CUL4A: variants seen among roughly 807,000 people sequenced by gnomAD.
CUL4A encodes cullin-4A.
CUL4A carries 16 observed loss-of-function variants against 95.5 expected under a neutral mutation model. The observed-to-expected ratio is 0.17, with a 90% CI of 0.11 to 0.25. The LOEUF (loss-of-function observed/expected upper bound fraction) is 0.25. Ranked by LOEUF, CUL4A falls within the 10% of genes least tolerant of loss-of-function variation. The probability of loss-of-function intolerance (pLI) is 1.00; values close to 1 mark genes in which losing one functional copy is unlikely to be tolerated. For missense variants in CUL4A, 610 were observed against 937.0 expected, an observed-to-expected ratio of 0.65 and a Z score of 4.56; for synonymous variants, 380 against 353.1, an observed-to-expected ratio of 1.08 and a Z score of -0.85.
chr13:113,262,116 T>C (rs1479223556), intron 19 of CUL4A, among the ~76,000 whole-genome samples: 1 of 152,132 alleles, frequency 6.6e-6, no homozygotes, highest in Non-Finnish European at 1.5e-5. Context: ...TATCACTGAA[T>C]AGAAGGTGAA....
At chr13:113,209,278 A>T (rs868800247), upstream of CUL4A, among the ~76,000 whole-genome samples, 1 of 140,708 alleles carries the variant, frequency 7.1e-6, no homozygotes, top group African/African-American at 2.7e-5. Context: ...CGCATCCCCG[A>T]GCCAGGAGGG....
chr13:113,208,388 C>A (rs2040108059), upstream of CUL4A: 34 of 1,440,748 alleles, frequency 2.4e-5, no homozygotes, highest in South Asian at 4.7e-4. Flanking sequence ...ACCGCCCGGC[C>A]CCCACGGCGG....
intron 9 of CUL4A, 92 bp downstream of exon 9, chr13:113,236,982 G>A (rs760569138): frequency 2.5e-6 from 2 of 813,476 alleles, no homozygotes; most frequent in Non-Finnish European, 3.9e-6. Context: ...GCAGTGTTAG[G>A]ACGTTTGTTA....
At chr13:113,229,866 C>T (rs1011547276) in intron 5 of CUL4A, 16 of 464,424 alleles carry the variant, frequency 3.4e-5, no homozygotes, top group Admixed American at 7.7e-5. Flanking sequence ...CTGCCTGCTG[C>T]CCGTGGGGTC....
chr13:113,208,984 C>G, upstream of CUL4A: 2 of 998,682 alleles, frequency 2.0e-6, no homozygotes, highest in South Asian at 3.9e-5. Flanking sequence ...AAAACCAGGC[C>G]GCGGAGGACC....
chr13:113,209,027 G>T, upstream of CUL4A: 1 of 550,088 alleles, frequency 1.8e-6, no homozygotes, highest in Non-Finnish European at 2.3e-6. Flanking sequence ...GCCTCGGGGC[G>T]CGCGCGCCCG....
intron 3 of CUL4A, among the ~76,000 whole-genome samples, chr13:113,221,743 A>G (rs2040905726): frequency 6.6e-6 from 1 of 151,784 alleles, no homozygotes; most frequent in Non-Finnish European, 1.5e-5. Flanking sequence ...ATGCTCGGCT[A>G]ATTTTTGTAT....
intron 3 of CUL4A, among the ~76,000 whole-genome samples, chr13:113,226,468 T>C (rs938490283): frequency 1.3e-5 from 2 of 152,234 alleles, no homozygotes; most frequent in African/African-American, 2.4e-5. Flanking sequence ...AGAGTGGATG[T>C]GAAGAGTGTT....
At chr13:113,208,241 G>A (rs1566996703), upstream of CUL4A, 1 of 1,453,784 alleles carries the variant, frequency 6.9e-7, no homozygotes, top group South Asian at 1.3e-5. Flanking sequence ...ACACAGCACC[G>A]CCCACAGCGG....
intron 3 of CUL4A, among the ~76,000 whole-genome samples, chr13:113,221,851 C>T (rs1323342057): frequency 1.3e-5 from 2 of 152,224 alleles, no homozygotes; most frequent in Non-Finnish European, 2.9e-5. Flanking sequence ...GCTGGGATTA[C>T]AGGCGTGAGC....
In CUL4A at chr13:113,260,211, A is replaced by AAAAAACAAACAAAAAAAAAAAC. The variant is rs1555307262; in HGVS notation, c.2032-391_2032-390insCAAACAAAAAAAAAAACAAAAA. Among the ~76,000 whole-genome samples, 475 of 119,524 alleles carry AAAAAACAAACAAAAAAAAAAAC rather than the reference A, an allele frequency of 4.0e-3. 65 individuals carry two copies. The highest frequency in any genetic ancestry group is 0.016 in the African/African-American group (435 of 27,712). The allele number at this position is 119,524 out of a possible 152,430, so 78.4% of individuals were successfully genotyped here. A position where few individuals can be genotyped will look rare whatever the true frequency, so the allele number is the denominator to read the frequency against. On this transcript the variant is annotated intron_variant, in intron 18 of 19. Coordinates refer to ENST00000375440, the MANE Select transcript of CUL4A (RefSeq NM_001008895.4). ...AGAGTGAGACTCCGTCTCAAAAAAA[A>AAAAAACAAACAAAAAAAAAAAC]AAAAAAAACCATTTCCCATCAAATT...
chr13:113,221,779 C>G (rs1056734411), intron 3 of CUL4A, among the ~76,000 whole-genome samples: 6 of 152,028 alleles, frequency 3.9e-5, no homozygotes, highest in Non-Finnish European at 8.8e-5. Flanking sequence ...GGTTTCACCA[C>G]ATTGGCCAGG....
Position 113,243,110 on chromosome 13 carries a change from C to T in CUL4A, c.1178C>T (p.Ser393Phe), listed in dbSNP as rs765901937. 2 of 1,614,108 alleles carry T rather than the reference C, an allele frequency of 1.2e-6. No homozygotes were observed. The highest frequency in any genetic ancestry group is 1.1e-5 in the South Asian group (1 of 91,076). The change falls in exon 11 of 20, where the codon TCC (serine) becomes TTC (phenylalanine). Residue 393 changes from serine to phenylalanine, a missense_variant. Ser to Phe is a radical substitution (Grantham distance 155). Coordinates refer to ENST00000375440, the MANE Select transcript of CUL4A (RefSeq NM_001008895.4). ...NERFVNLMKESFETFINKRPN... is the reference protein window; with the variant it reads ...NERFVNLMKEFFETFINKRPN... ...CGGTTCGTCAACCTGATGAAGGAGT[C>T]CTTTGAGACGTTCATCAACAAGAGA...
chr13:113,260,253 T>G (rs2042241542), intron 18 of CUL4A, among the ~76,000 whole-genome samples: 1 of 138,468 alleles, frequency 7.2e-6, no homozygotes, highest in Non-Finnish European at 1.5e-5. Flanking sequence ...CATCAGGTCA[T>G]TAATATTGAA....
rs943060394 is a variant in CUL4A, at chr13:113,239,591, C to G, written c.1035+40C>G. The G allele has an allele frequency of 3.3e-6, 5 of 1,494,936 alleles. No homozygotes were observed. The Admixed American group carries it at 9.0e-5, about 27-fold the overall frequency. The allele number at this position is 1,494,936 out of a possible 1,614,324, so 92.6% of individuals were successfully genotyped here. ...TTGAGGCCGCGGGCGTGGGCATTCC[C>G]TGCAGGGAGCAGAGCCCCTCCTGAG... On this transcript the variant is annotated intron_variant, in intron 10 of 19. Transcript: ENST00000375440.
intron 2 of CUL4A, among the ~76,000 whole-genome samples, chr13:113,215,410 C>CA (rs2040620856): frequency 6.8e-6 from 1 of 148,118 alleles, no homozygotes; most frequent in South Asian, 2.2e-4. Flanking sequence ...CTATGGAGGT[C>CA]ACGTCCCATG....
intron 10 of CUL4A, among the ~76,000 whole-genome samples, chr13:113,242,626 C>T (rs780496817): frequency 6.6e-6 from 1 of 152,012 alleles, no homozygotes; most frequent in African/African-American, 2.4e-5. Flanking sequence ...CTCTACAAAA[C>T]TTTAAAAAGA....
chr13:113,258,181 A>G (rs2042180004), intron 18 of CUL4A, among the ~76,000 whole-genome samples: 2 of 151,942 alleles, frequency 1.3e-5, no homozygotes, highest in East Asian at 1.9e-4. Flanking sequence ...TGTAGAGATG[A>G]GGCCTTGCCA....
chr13:113,208,704 C>A (rs1035973872), upstream of CUL4A: 3 of 1,538,682 alleles, frequency 1.9e-6, no homozygotes, highest in Non-Finnish European at 2.6e-6. Flanking sequence ...ACTTCCGGCC[C>A]TCGGTCCGTC....
Sources: gnomAD v4.1 joint callset for allele counts (sites outside exome capture counted in the v4.1 genomes callset) on GRCh38, gnomAD v4.1.1 for gene constraint, MANE v1.5 for transcripts, NCBI Gene and HGNC (gene_info 2026-07-23, HGNC 2026-07-21) for gene names.